Variants in KCNH8 observed in about 807,000 individuals in gnomAD.
The protein encoded by KCNH8 is potassium voltage-gated channel subfamily H member 8.
Under a neutral mutation model 103.6 loss-of-function variants are expected in KCNH8, and 70 were observed. That is an observed-to-expected ratio of 0.68 (90% confidence interval 0.56 to 0.82). The LOEUF is 0.82. Ranked by LOEUF, KCNH8 falls within the 40% of genes least tolerant of loss-of-function variation. The pLI is 0.00. For missense variants in KCNH8, 1,217 were observed against 1,329.9 expected, an observed-to-expected ratio of 0.92 and a Z score of 1.32; for synonymous variants, 498 against 489.4, an observed-to-expected ratio of 1.02 and a Z score of -0.23.
intron 15 of KCNH8, among the ~76,000 whole-genome samples, chr3:19,528,878 A>G (rs2069110635): frequency 6.6e-6 from 1 of 152,158 alleles, no homozygotes; most frequent in Admixed American, 6.6e-5. Flanking sequence ...GAACTCAACG[A>G]CTAGTTGGTA....
intron 11 of KCNH8, among the ~76,000 whole-genome samples, chr3:19,509,903 G>A (rs192849707): frequency 1.3e-5 from 2 of 152,006 alleles, no homozygotes; most frequent in East Asian, 3.9e-4. Flanking sequence ...AATAAGAAAT[G>A]ATTTCATAGA....
At chr3:19,527,092 A>AT (rs1352232925) in intron 15 of KCNH8, among the ~76,000 whole-genome samples, 2 of 151,966 alleles carry the variant, frequency 1.3e-5, no homozygotes, top group African/African-American at 4.8e-5. Context: ...ATCCATCTGA[A>AT]TGCAGCTGCT....
intron 15 of KCNH8, among the ~76,000 whole-genome samples, chr3:19,525,164 A>G (rs1371443153): frequency 1.3e-5 from 2 of 151,942 alleles, no homozygotes; most frequent in Non-Finnish European, 2.9e-5. Flanking sequence ...ACATATATCA[A>G]AACATCAAGT....
intron 1 of KCNH8, among the ~76,000 whole-genome samples, chr3:19,234,038 A>G (rs890793231): frequency 6.3e-4 from 96 of 152,310 alleles, no homozygotes; most frequent in African/African-American, 2.2e-3. Flanking sequence ...GGACCCCAGC[A>G]GGTTGCCACT....
chr3:19,332,526 A>T (rs752492274), intron 3 of KCNH8, among the ~76,000 whole-genome samples: 2 of 152,198 alleles, frequency 1.3e-5, no homozygotes, highest in Non-Finnish European at 2.9e-5. Context: ...TTTCTCTGGG[A>T]TAATTGCCCA....
chr3:19,299,372 G>A (rs2065035680), intron 3 of KCNH8, among the ~76,000 whole-genome samples: 1 of 152,132 alleles, frequency 6.6e-6, no homozygotes, highest in Non-Finnish European at 1.5e-5. Flanking sequence ...GCTCCCGCCT[G>A]TAATCCCAGC....
chr3:19,179,781 A>G (rs1370701934), intron 1 of KCNH8, among the ~76,000 whole-genome samples: 1 of 152,154 alleles, frequency 6.6e-6, no homozygotes, highest in Non-Finnish European at 1.5e-5. Context: ...TACACATTGC[A>G]CTCTATATTC....
At chr3:19,467,798 T>C (rs2067773258) in intron 11 of KCNH8, among the ~76,000 whole-genome samples, 1 of 152,270 alleles carries the variant, frequency 6.6e-6, no homozygotes, top group Middle Eastern at 3.4e-3. Context: ...GGTAGTAACA[T>C]CCAGACTTTT....
Position 19,513,189 on chromosome 3 carries a change from A to C in KCNH8, c.2299A>C (p.Ile767Leu), listed in dbSNP as rs746719128. The C allele has an allele frequency of 1.3e-5, 21 of 1,613,838 alleles. No homozygotes were observed. Among genetic ancestry groups the C allele is most frequent in the Non-Finnish European group, 1.7e-5 (20 of 1,179,952 alleles). The stretch of plus-strand genomic sequence containing the variant: ...GGGAACGGTGCCCTTTCACTCGCCT[A>C]TCAGAGTCTCCAGGTCAAATTCCCC... ...ASGTVPFHSP[I>L]RVSRSNSPKT... The change falls in exon 13 of 16, where the codon ATC (isoleucine) becomes CTC (leucine). Residue 767 changes from isoleucine to leucine, a missense_variant. Ile to Leu is a conservative substitution (Grantham distance 5). Around this residue, in one of 3 missense-constraint regions of KCNH8, gnomAD observed 558 missense variants for 495.8 expected, o/e 1.13. Transcript: ENST00000328405.
chr3:19,446,569 C>A (rs2067365435), intron 8 of KCNH8, among the ~76,000 whole-genome samples: 1 of 151,830 alleles, frequency 6.6e-6, no homozygotes. Context: ...GTACTTATAA[C>A]CAAGAATGGA....
intron 3 of KCNH8, among the ~76,000 whole-genome samples, chr3:19,330,797 C>T (rs995378475): frequency 1.3e-5 from 2 of 152,170 alleles, no homozygotes; most frequent in African/African-American, 4.8e-5. Flanking sequence ...GGAAAATTCT[C>T]ATTTCCTCAT....
intron 5 of KCNH8, among the ~76,000 whole-genome samples, chr3:19,358,173 CTT>C: frequency 2.5e-5 from 1 of 40,120 alleles, no homozygotes; most frequent in Non-Finnish European, 4.4e-5. Context: ...CCTTCCTTTT[CTT>C]CCTTCCTTCC....
chr3:19,162,486 G>A (rs1412206378), intron 1 of KCNH8, among the ~76,000 whole-genome samples: 2 of 151,550 alleles, frequency 1.3e-5, no homozygotes, highest in Non-Finnish European at 2.9e-5. Flanking sequence ...CAGCCTGGAC[G>A]ACAGAGTGAG....
chr3:19,286,947 A>G (rs1190893568), intron 3 of KCNH8, among the ~76,000 whole-genome samples: 2 of 152,176 alleles, frequency 1.3e-5, no homozygotes, highest in African/African-American at 4.8e-5. Flanking sequence ...GCAGAAGAGA[A>G]ATAAGTTTCT....
chr3:19,495,174 C>T (rs531900063), intron 11 of KCNH8, among the ~76,000 whole-genome samples: 1 of 152,056 alleles, frequency 6.6e-6, no homozygotes, highest in Non-Finnish European at 1.5e-5. Context: ...CTGATAATTT[C>T]TTTTGCTATA....
At chr3:19,462,295 C>T (rs554462552) in intron 11 of KCNH8, among the ~76,000 whole-genome samples, 13 of 152,218 alleles carry the variant, frequency 8.5e-5, no homozygotes, top group Non-Finnish European at 1.9e-4. Flanking sequence ...ATATCCTCTC[C>T]AACATCTGTT....
intron 2 of KCNH8, among the ~76,000 whole-genome samples, chr3:19,275,986 C>T (rs748316831): frequency 6.6e-6 from 1 of 151,952 alleles, no homozygotes; most frequent in Non-Finnish European, 1.5e-5. Flanking sequence ...TGACTGAAAC[C>T]GAACAAAACA....
chr3:19,193,368 G>T (rs1307334730), intron 1 of KCNH8, among the ~76,000 whole-genome samples: 1 of 151,532 alleles, frequency 6.6e-6, no homozygotes, highest in African/African-American at 2.4e-5. Flanking sequence ...TTGTCTTTCA[G>T]TCATGCCATT....
At chr3:19,187,656 A>C (rs2063515583) in intron 1 of KCNH8, among the ~76,000 whole-genome samples, 1 of 152,154 alleles carries the variant, frequency 6.6e-6, no homozygotes, top group South Asian at 2.1e-4. Context: ...CCTTAAGTGC[A>C]CGGGGAACAT....
Sources: allele counts gnomAD v4.1 joint callset (sites outside exome capture counted in the v4.1 genomes callset), GRCh38; gene constraint gnomAD v4.1.1; regional missense constraint gnomAD v4.1.1; transcripts MANE v1.5; gene names NCBI Gene and HGNC (gene_info 2026-07-23, HGNC 2026-07-21).